Variants in NFILZ observed in about 807,000 individuals in gnomAD.
NFILZ encodes the protein NFIL3 like protein.
intron 5 of NFILZ, among the ~76,000 whole-genome samples, 133 bp from the exon 6 acceptor site, chr19:8,676,618 T>C (rs1219148001): frequency 1.3e-5 from 2 of 152,214 alleles, no homozygotes; most frequent in African/African-American, 4.8e-5. Flanking sequence ...AGATCGAACC[T>C]TGGTCTCCAG....
intron 3 of NFILZ, among the ~76,000 whole-genome samples, chr19:8,661,542 A>T (rs188109658): frequency 2.6e-5 from 4 of 152,266 alleles, no homozygotes; most frequent in Non-Finnish European, 5.9e-5. Flanking sequence ...CACAGTACAC[A>T]TACATCAAAG....
At chr19:8,637,240 A>C (rs1049535684) in intron 3 of NFILZ, among the ~76,000 whole-genome samples, 2 of 152,044 alleles carry the variant, frequency 1.3e-5, no homozygotes, top group African/African-American at 4.8e-5. Flanking sequence ...CAGCTCTCAG[A>C]AGGCTGAAGC....
At chr19:8,640,841 G>A (rs367849860) in intron 3 of NFILZ, among the ~76,000 whole-genome samples, 2 of 152,170 alleles carry the variant, frequency 1.3e-5, no homozygotes, top group African/African-American at 4.8e-5. Context: ...AACCTCCTTG[G>A]GCAGGTCGTG....
chr19:8,664,811 A>G (rs144427413), intron 3 of NFILZ, among the ~76,000 whole-genome samples: 26 of 152,152 alleles, frequency 1.7e-4, no homozygotes, highest in African/African-American at 6.3e-4. Context: ...CAGGCCCCCC[A>G]AGTCTGGGCA....
At chr19:8,638,964 C>T (rs533975242) in intron 3 of NFILZ, among the ~76,000 whole-genome samples, 2 of 151,806 alleles carry the variant, frequency 1.3e-5, no homozygotes, top group Non-Finnish European at 2.9e-5. Context: ...CTGCCTCAGC[C>T]TCCGAGTAGC....
chr19:8,677,809 G>T lies in NFILZ; in HGVS notation c.*174G>T, dbSNP rs1555750837. Among the ~76,000 whole-genome samples, 1 of 152,042 alleles carries T rather than the reference G, an allele frequency of 6.6e-6. No individual in the cohort carries two copies. The highest frequency in any genetic ancestry group is 1.5e-5 in the Non-Finnish European group (1 of 67,966). ...CAGCTTCCATACCAGACCTCCTAGG[G>T]GTGGAGTGGATGGGAGCCCATCTTG... On this transcript the variant is annotated 3_prime_UTR_variant, in exon 6 of 6. Transcript: ENST00000691075.
chr19:8,657,297 TTTCA>T, intron 3 of NFILZ, among the ~76,000 whole-genome samples: 1 of 144,322 alleles, frequency 6.9e-6, no homozygotes, highest in East Asian at 2.0e-4. Flanking sequence ...GAGAGGGGGG[TTTCA>T]TCATGTTGGC....
rs2043123920 is a variant in NFILZ, at chr19:8,678,106, C to T, written c.*471C>T. Among the ~76,000 whole-genome samples the T allele has an allele frequency of 6.7e-6, 1 of 150,354 alleles. No homozygotes were observed. The highest frequency in any genetic ancestry group is 2.4e-5 in the African/African-American group (1 of 40,940). ...CATCCATCCATTCCATCCATCCATCCATCCATCCATCCATCCATCCCTCCA... is the reference window on the plus strand; with the variant it reads ...CATCCATCCATTCCATCCATCCATCTATCCATCCATCCATCCATCCCTCCA... On this transcript the variant is annotated 3_prime_UTR_variant, in exon 6 of 6. Transcript: ENST00000691075.
In NFILZ at chr19:8,630,662, G is replaced by A. The variant is rs1399615630; in HGVS notation, c.-493G>A. On this transcript the variant is annotated 5_prime_UTR_variant, in exon 1 of 6. It removes the in-frame stop codon of an upstream open reading frame in the 5' UTR. Coordinates refer to ENST00000691075, the MANE Select transcript of NFILZ (RefSeq NM_001378600.1). ...AGTTCTCTGCCATGGCTGGGGACTAGGAAGTGGGAAAGAGCTCTAGGGGAA... is the reference window on the plus strand; with the variant it reads ...AGTTCTCTGCCATGGCTGGGGACTAAGAAGTGGGAAAGAGCTCTAGGGGAA... The A allele has an allele frequency of 6.6e-6, 1 of 152,416 alleles. No individual in the cohort carries two copies. The highest frequency in any genetic ancestry group is 1.5e-5 in the Non-Finnish European group (1 of 68,160). The allele number at this position is 152,416 out of a possible 1,614,324, so 9.4% of individuals were successfully genotyped here.
intron 2 of NFILZ, among the ~76,000 whole-genome samples, chr19:8,633,878 CCTT>C: frequency 1.1e-4 from 1 of 9,084 alleles, no homozygotes; most frequent in Non-Finnish European, 2.3e-4. Context: ...AACTTTTCTC[CCTT>C]CCTTCCTTCC....
At chr19:8,655,213 G>T (rs1436894956) in intron 3 of NFILZ, among the ~76,000 whole-genome samples, 2 of 152,210 alleles carry the variant, frequency 1.3e-5, no homozygotes, top group Non-Finnish European at 2.9e-5. Context: ...CATAGAGGGT[G>T]TTTGAGCAGG....
chr19:8,656,516 C>CAGCCCACCTTCTCCTCGA (rs1600147897), intron 3 of NFILZ, among the ~76,000 whole-genome samples: 3 of 63,564 alleles, frequency 4.7e-5, no homozygotes, highest in Non-Finnish European at 1.3e-4. Context: ...CCTTCTCCTG[C>CAGCCCACCTTCTCCTCGA]AGCCCACCTT....
At chr19:8,645,600 G>A (rs2042935924) in intron 3 of NFILZ, among the ~76,000 whole-genome samples, 1 of 152,210 alleles carries the variant, frequency 6.6e-6, no homozygotes, top group Non-Finnish European at 1.5e-5. Flanking sequence ...ATTTGCTGGG[G>A]ATTCTGGGAA....
intron 3 of NFILZ, among the ~76,000 whole-genome samples, chr19:8,651,668 A>G (rs1238928368): frequency 6.6e-6 from 1 of 152,074 alleles, no homozygotes; most frequent in Non-Finnish European, 1.5e-5. Context: ...AGTAGCTGGG[A>G]CCACAGGTAT....
At position 8,653,038 on chromosome 19, in the gene NFILZ, T is replaced by TTCTCTCTCCCTCTCTCTC. The variant is rs2042975354; in HGVS notation, c.-164+17300_-164+17301insCCTCTCTCTCTCTCTCTC. 2.6e-4 allele frequency among the ~76,000 whole-genome samples: 24 copies of TTCTCTCTCCCTCTCTCTC among 90,584 alleles called. 1 individual carries two copies. The highest frequency in any genetic ancestry group is 3.8e-4 in the Admixed American group (3 of 7,852). The allele number at this position is 90,584 out of a possible 152,430, so 59.4% of individuals were successfully genotyped here. On this transcript the variant is annotated intron_variant, in intron 3 of 5. Coordinates refer to ENST00000691075, the MANE Select transcript of NFILZ (RefSeq NM_001378600.1). The stretch of plus-strand genomic sequence containing the variant: ...TTTCTTTCTTTCTTTCTTTCTTTCT[T>TTCTCTCTCCCTCTCTCTC]TCTCTCTCTCTCTCTCTCTCTCTCT...
At chr19:8,659,875 C>T (rs191895927) in intron 3 of NFILZ, among the ~76,000 whole-genome samples, 30 of 151,644 alleles carry the variant, frequency 2.0e-4, no homozygotes, top group African/African-American at 7.3e-4. Flanking sequence ...AGCATAGTTT[C>T]GGAGATGGGG....
At chr19:8,633,636 C>A (rs2042880449) in intron 2 of NFILZ, among the ~76,000 whole-genome samples, 1 of 152,102 alleles carries the variant, frequency 6.6e-6, no homozygotes, top group African/African-American at 2.4e-5. Flanking sequence ...TGGGAGGAGC[C>A]CTCCAGCCGC....
At chr19:8,647,156 C>T (rs1555747141) in intron 3 of NFILZ, among the ~76,000 whole-genome samples, 1 of 152,144 alleles carries the variant, frequency 6.6e-6, no homozygotes, top group Non-Finnish European at 1.5e-5. Flanking sequence ...AGTGTAAAGG[C>T]AAGGGTTGGT....
Position 8,679,269 on chromosome 19 carries a change from CATTATTATTATTATTATT to C in NFILZ, c.*1654_*1671del, listed in dbSNP as rs55926423. Reference sequence around the variant, plus strand: ...TCAGTTTCTCACTCAGCCCCTCTCCCATTATTATTATTATTATTATTATTATTATTATTATTACATCAG... The same window carrying C: ...TCAGTTTCTCACTCAGCCCCTCTCCCATTATTATTATTATTATTACATCAG... On this transcript the variant is annotated 3_prime_UTR_variant, in exon 6 of 6. Transcript: ENST00000691075. Among the ~76,000 whole-genome samples, 1 of 145,820 alleles carries C rather than the reference CATTATTATTATTATTATT, an allele frequency of 6.9e-6. No homozygotes were observed. The highest frequency in any genetic ancestry group is 1.5e-5 in the Non-Finnish European group (1 of 66,856).
Sources: gnomAD v4.1 joint callset for allele counts (sites outside exome capture counted in the v4.1 genomes callset) on GRCh38, gnomAD v4.1.1 for gene constraint, MANE v1.5 for transcripts, NCBI Gene and HGNC (gene_info 2026-07-23, HGNC 2026-07-21) for gene names.